Variants in PLEC observed in about 807,000 individuals in gnomAD.
PLEC encodes hemidesmosomal protein 1.
Under a neutral mutation model 392.8 loss-of-function variants are expected in PLEC, and 216 were observed. The ratio of observed to expected loss-of-function variants is 0.55; its 90% CI spans 0.49 to 0.62. The LOEUF (loss-of-function observed/expected upper bound fraction) is 0.62. Among genes scored for constraint, PLEC ranks in the 20% least tolerant of loss-of-function variants. PLEC has a pLI of 0.00. For synonymous variants in PLEC, 3,621 were observed against 2,980.6 expected, an observed-to-expected ratio of 1.21 and a Z score of -7.00; for missense variants, 6,863 against 6,563.4, an observed-to-expected ratio of 1.05 and a Z score of -1.58.
chr8:143,972,869 A>C (rs1833500515), intron 1 of PLEC, among the ~76,000 whole-genome samples: 1 of 152,168 alleles, frequency 6.6e-6, no homozygotes, highest in Non-Finnish European at 1.5e-5. Context: ...AGGAGGGGCC[A>C]CCCTGACCCC....
Position 143,929,184 on chromosome 8 carries a change from G to A in PLEC, c.3179C>T (p.Ala1060Val). Residue 1060 changes from alanine (A) to valine (V), a missense_variant, in exon 25 of 32, where the codon GCC becomes GTC. By Grantham distance (64) the Ala-to-Val change is moderately conservative. Transcript: ENST00000345136. ...VLALPEPSPA[A>V]PTLRSELELT... ...CTCCAGCTCCGAGCGCAGCGTGGGG[G>A]CCGCAGGCGATGGCTCTGGTAGGGC... The A allele has an allele frequency of 6.3e-7, 1 of 1,598,772 alleles. No individual in the cohort carries two copies. The highest frequency in any genetic ancestry group is 8.5e-7 in the Non-Finnish European group (1 of 1,175,298).
rs1554668242 is a variant in PLEC at position 143,916,202 on chromosome 8, C to A, written c.13619G>T (p.Gly4540Val). 1 of 1,543,960 alleles carries A rather than the reference C, an allele frequency of 6.5e-7. No homozygotes were observed. The highest frequency in any genetic ancestry group is 2.0e-5 in the Admixed American group (1 of 50,830). ...RYASGSSASL[G>V]GPESAVA is the part of the protein sequence containing the mutation. ...TCAGGCCACGGCAGACTCAGGGCCC[C>A]CCAGGGAGGCCGAGGACCCCGAGGC... Residue 4540 changes from glycine (G) to valine (V), a missense_variant, in exon 32 of 32, where the codon GGG (glycine) becomes GTG (valine). Transcript: ENST00000345136.
Position 143,917,703 on chromosome 8 carries a change from T to C in PLEC, c.12118A>G (p.Ile4040Val). The part of the protein sequence containing the change: ...KKGLILKDHG[I>V]RLLEAQIATG... ...GCGATCTGGGCCTCCAGCAGGCGGA[T>C]GCCATGGTCCTTCAGGATCAGGCCC... Residue 4040 changes from isoleucine to valine, a missense_variant, in exon 32 of 32, where the codon ATC becomes GTC. Ile to Val is a conservative substitution (Grantham distance 29, BLOSUM62 3). Coordinates refer to ENST00000345136, the MANE Select transcript of PLEC (RefSeq NM_201384.3). The C allele has an allele frequency of 1.9e-6, 3 of 1,613,540 alleles. No individual in the cohort carries two copies. Among genetic ancestry groups the C allele is most frequent in the Non-Finnish European group, 2.5e-6 (3 of 1,180,008 alleles).
chr8:143,924,803 A>G lies in PLEC; in HGVS notation c.5126T>C (p.Leu1709Pro). The change falls in exon 31 of 32, where the codon CTG becomes CCG. Residue 1709 changes from leucine to proline, a missense_variant. Coordinates refer to ENST00000345136, the MANE Select transcript of PLEC (RefSeq NM_201384.3). ...QLAEGTAQQR[L>P]AAEQELIRLR... ...CCGGATCAACTCCTGCTCCGCGGCCAGGCGCTGCTGCGCGGTGCCTTCCGC... is the reference window on the plus strand; with the variant it reads ...CCGGATCAACTCCTGCTCCGCGGCCGGGCGCTGCTGCGCGGTGCCTTCCGC... The G allele has an allele frequency of 6.5e-7, 1 of 1,538,628 alleles. No individual in the cohort carries two copies.
At chr8:143,967,236 G>C (rs1426248566) in intron 1 of PLEC, among the ~76,000 whole-genome samples, 2 of 151,650 alleles carry the variant, frequency 1.3e-5, no homozygotes, top group African/African-American at 4.8e-5. Flanking sequence ...GGTGGCGGGC[G>C]CCTGTAGTCC....
chr8:143,975,070 C>T (rs950222168), upstream of PLEC: 2 of 1,281,662 alleles, frequency 1.6e-6, no homozygotes, highest in South Asian at 2.5e-5. This position sits in a 1 kb window ranked among gnomAD's most constrained non-coding sequence, Gnocchi z 9.9. Flanking sequence ...CCGCAGATCC[C>T]CCTAGGCCTC....
At chr8:143,956,129 G>A (rs888999728), upstream of PLEC, among the ~76,000 whole-genome samples, 9 of 152,058 alleles carry the variant, frequency 5.9e-5, no homozygotes, top group African/African-American at 2.2e-4. Context: ...TGTATTTTCA[G>A]TTGAGATGGG....
At chr8:143,951,291 G>A (rs943087625), upstream of PLEC, among the ~76,000 whole-genome samples, 1 of 152,120 alleles carries the variant, frequency 6.6e-6, no homozygotes, top group Non-Finnish European at 1.5e-5. Flanking sequence ...CTGAAGGGGG[G>A]TGCTGGGCTG....
chr8:143,927,167 G>T, intron 28 of PLEC, 85 bp downstream of exon 28: 1 of 1,568,758 alleles, frequency 6.4e-7, no homozygotes, highest in Non-Finnish European at 8.8e-7. Context: ...GGCTTTCCCT[G>T]GCATGGCCCA....
rs781907706 is a variant in PLEC at position 143,923,890 on chromosome 8, C to G, written c.6039G>C (p.Arg2013=). 8.2e-6 allele frequency: 13 copies of G among 1,594,538 alleles called. No individual in the cohort carries two copies. Among genetic ancestry groups the G allele is most frequent in the Admixed American group, 6.7e-5 (4 of 59,758 alleles). ...QRKAALEEVE[R]LKAKVEEARR... ...GCGCCTCCTCCACCTTGGCTTTCAG[C>G]CGCTCGACTTCCTCCAGCGCCGCCT... Residue 2013 remains arginine, a synonymous_variant, in exon 31 of 32, where the codon CGG becomes CGC. Transcript: ENST00000345136.
chr8:143,924,012 G>A lies in PLEC; in HGVS notation c.5917C>T (p.Arg1973Trp), dbSNP rs80338756. 5 of 1,588,138 alleles carry A rather than the reference G, an allele frequency of 3.1e-6. No homozygotes were observed. Among genetic ancestry groups the A allele is most frequent in the Admixed American group, 3.4e-5 (2 of 59,304 alleles). ...EQAELEAARQ[R>W]QLAAEEERRR... ...CGCTCCTCCTCCGCCGCCAGCTGCC[G>A]CTGCCTCGCAGCCTCCAGCTCGGCC... Residue 1973 changes from arginine to tryptophan, a missense_variant, in exon 31 of 32, where the codon CGG becomes TGG. Arg to Trp is a moderately radical substitution (Grantham distance 101). Transcript: ENST00000345136.
At chr8:143,975,075 G>A (rs1833611173), upstream of PLEC, 1 of 1,316,204 alleles carries the variant, frequency 7.6e-7, no homozygotes, top group Non-Finnish European at 1.1e-6. The surrounding 1 kb of genome is among the most constrained non-coding windows in gnomAD (Gnocchi z 9.9). Context: ...GATCCCCCTA[G>A]GCCTCCCCCA....
At position 143,931,884 on chromosome 8, in the gene PLEC, G is replaced by A. The variant is rs1222462184; in HGVS notation, c.2178+53C>T. 4.6e-6 allele frequency: 7 copies of A among 1,510,204 alleles called. No individual in the cohort carries two copies. In the Admixed American group the frequency reaches 5.6e-5, roughly 12 times the overall value. 93.6% of individuals were successfully genotyped at this position (1,510,204 alleles called of 1,614,324 possible). On this transcript the variant is annotated intron_variant, in intron 18 of 31. Coordinates refer to ENST00000345136, the MANE Select transcript of PLEC (RefSeq NM_201384.3). ...TTGGAGCTGCCGAGGGGGTCCAGGG[G>A]CTCCTGCAAGGCTGCCGCTGAGCCA...
At position 143,929,272 on chromosome 8, in the gene PLEC, C is replaced by T; in HGVS notation, c.3091G>A (p.Ala1031Thr). 2 of 1,600,762 alleles carry T rather than the reference C, an allele frequency of 1.2e-6. No homozygotes were observed. The highest frequency in any genetic ancestry group is 1.7e-6 in the Non-Finnish European group (2 of 1,179,572). Residue 1031 changes from alanine to threonine, a missense_variant, in exon 25 of 32, where the codon GCA becomes ACA. By Grantham distance (58) the Ala-to-Thr change is moderately conservative. Transcript: ENST00000345136. ...QRIAEQQKAQ[A>T]EVEGLGKGVA... ...CCCTTGCCCAGCCCCTCCACCTCTGCCTGTGCCTTCTGCAAAGACAGGGAG... is the reference window on the plus strand; with the variant it reads ...CCCTTGCCCAGCCCCTCCACCTCTGTCTGTGCCTTCTGCAAAGACAGGGAG...
rs1554707113 is a variant in PLEC at position 143,927,323 on chromosome 8, C to T, written c.3769G>A (p.Glu1257Lys). ...QLRQEQALLE[E>K]IERHGEKVEE... Reference sequence around the variant, plus strand: ...ACCTTCTCGCCGTGGCGCTCGATCTCCTCCAGCAGGGCCTGGGTGATGGTG... The same window carrying T: ...ACCTTCTCGCCGTGGCGCTCGATCTTCTCCAGCAGGGCCTGGGTGATGGTG... The change falls in exon 28 of 32, where the codon GAG becomes AAG. Residue 1257 changes from glutamate to lysine, a missense_variant. Glu to Lys is a moderately conservative substitution (Grantham distance 56). Transcript: ENST00000345136. 1 of 1,613,148 alleles carries T rather than the reference C, an allele frequency of 6.2e-7. No homozygotes were observed. Among genetic ancestry groups the T allele is most frequent in the Non-Finnish European group, 8.5e-7 (1 of 1,179,942 alleles).
chr8:143,922,364 T>A lies in PLEC; in HGVS notation c.7457A>T (p.Gln2486Leu), dbSNP rs782783768. ...MQTVQQEQLL[Q>L]ETQALQQSFL... The stretch of plus-strand genomic sequence containing the variant: ...GCTTTGCTGCAGGGCCTGCGTCTCC[T>A]GCAGCAGCTGCTCCTGCTGCACCGT... Residue 2486 changes from glutamine (Q) to leucine (L), a missense_variant, in exon 32 of 32, where the codon CAG becomes CTG. By Grantham distance (113) the Gln-to-Leu change is moderately radical (BLOSUM62 -2). Coordinates refer to ENST00000345136, the MANE Select transcript of PLEC (RefSeq NM_201384.3). 6.2e-7 allele frequency: 1 copy of A among 1,603,478 alleles called. No homozygotes were observed.
chr8:143,939,911 A>C (rs1414589196), upstream of PLEC, among the ~76,000 whole-genome samples: 1 of 152,118 alleles, frequency 6.6e-6, no homozygotes, highest in African/African-American at 2.4e-5. Context: ...ACCCCCCAAC[A>C]GACTGAAGGG....
upstream of PLEC, among the ~76,000 whole-genome samples, chr8:143,952,766 C>G (rs1321147071): frequency 6.6e-6 from 1 of 152,204 alleles, no homozygotes; most frequent in Non-Finnish European, 1.5e-5. Flanking sequence ...GGACTGACCC[C>G]CGCTGGGCCG....
At position 143,921,663 on chromosome 8, in the gene PLEC, G is replaced by A; in HGVS notation, c.8158C>T (p.Leu2720=). Residue 2720 remains leucine, a synonymous_variant, in exon 32 of 32, where the codon CTG becomes TTG. Coordinates refer to ENST00000345136, the MANE Select transcript of PLEC (RefSeq NM_201384.3). The stretch of plus-strand genomic sequence containing the variant: ...ATGAGGGCCGTGCCGGGACTCAGCA[G>A]CTGCCTCTGCAGGGCGGCGTAAACA... ...LSVYAALQRQ[L]LSPGTALILL... is the part of the protein sequence containing the mutation. 1 of 1,613,054 alleles carries A rather than the reference G, an allele frequency of 6.2e-7. No individual in the cohort carries two copies. Among genetic ancestry groups the A allele is most frequent in the Non-Finnish European group, 8.5e-7 (1 of 1,179,924 alleles).
Sources: gnomAD v4.1 joint callset for allele counts (sites outside exome capture counted in the v4.1 genomes callset) on GRCh38, gnomAD v4.1.1 for gene constraint, Gnocchi (gnomAD v3.1) non-coding constraint, MANE v1.5 for transcripts, NCBI Gene and HGNC (gene_info 2026-07-23, HGNC 2026-07-21) for gene names.